ADARB2: variants seen among roughly 807,000 people sequenced by gnomAD.
ADARB2 encodes the protein inactive double-stranded RNA-specific editase B2.
In ADARB2, 25 loss-of-function variants were observed where a neutral mutation model predicts 62.2. The ratio of observed to expected loss-of-function variants is 0.40; its 90% CI spans 0.29 to 0.56. The LOEUF is 0.56. ADARB2 is among the 20% of genes least tolerant of loss of function. ADARB2 has a pLI of 0.43. For missense variants in ADARB2, 1,071 were observed against 1,077.4 expected (o/e 0.99, Z 0.08); for synonymous variants, 572 against 500.8 (o/e 1.14, Z -1.90).
chr10:1,573,304 G>A (rs1319351507), intron 1 of ADARB2, among the ~76,000 whole-genome samples: 1 of 152,166 alleles, frequency 6.6e-6, no homozygotes, highest in Non-Finnish European at 1.5e-5. Context: ...GCACTCAACT[G>A]TGCTCAGGTT....
intron 1 of ADARB2, among the ~76,000 whole-genome samples, chr10:1,463,773 A>T (rs1285238861): frequency 1.3e-5 from 2 of 152,240 alleles, no homozygotes; most frequent in East Asian, 3.8e-4. Flanking sequence ...AAATATTTGC[A>T]AATCACACAG....
intron 1 of ADARB2, among the ~76,000 whole-genome samples, chr10:1,532,323 C>T (rs551775891): frequency 1.1e-4 from 17 of 152,314 alleles, no homozygotes; most frequent in Non-Finnish European, 8.8e-5. Context: ...AAAACCAGCA[C>T]CAAAAACAGC....
At chr10:1,558,225 G>GC (rs1832732385) in intron 1 of ADARB2, among the ~76,000 whole-genome samples, 2 of 151,422 alleles carry the variant, frequency 1.3e-5, no homozygotes, top group Non-Finnish European at 3.0e-5. Context: ...TCCCACCTCT[G>GC]CCCCCCTCCA....
chr10:1,621,420 CT>C (rs575676337), intron 1 of ADARB2, among the ~76,000 whole-genome samples: 370 of 144,144 alleles, frequency 2.6e-3, no homozygotes, highest in Middle Eastern at 3.6e-3. Flanking sequence ...TTCTTTCTTT[CT>C]TTTTTTTTTT....
intron 1 of ADARB2, among the ~76,000 whole-genome samples, chr10:1,723,417 C>T (rs1283853244): frequency 6.6e-6 from 1 of 152,090 alleles, no homozygotes; most frequent in Non-Finnish European, 1.5e-5. Flanking sequence ...CCGGAGGGAC[C>T]AGGCTCTGAT....
intron 2 of ADARB2, among the ~76,000 whole-genome samples, chr10:1,375,882 C>A (rs1232329624): frequency 3.3e-5 from 5 of 151,178 alleles, no homozygotes; most frequent in Non-Finnish European, 7.4e-5. Flanking sequence ...TGCATGTGAA[C>A]TCCCACACCA....
intron 1 of ADARB2, among the ~76,000 whole-genome samples, chr10:1,422,472 C>T (rs1832860125): frequency 6.6e-6 from 1 of 152,130 alleles, no homozygotes; most frequent in African/African-American, 2.4e-5. Flanking sequence ...GGACACTCCA[C>T]CAGAGGGGAA....
At chr10:1,317,151 CT>C (rs1448299586) in intron 3 of ADARB2, among the ~76,000 whole-genome samples, 2 of 152,344 alleles carry the variant, frequency 1.3e-5, no homozygotes, top group Admixed American at 1.3e-4. Context: ...CTCTGCTTCA[CT>C]TTTAGCCGAT....
intron 1 of ADARB2, among the ~76,000 whole-genome samples, chr10:1,734,154 A>G (rs1424182509): frequency 1.3e-5 from 2 of 152,174 alleles, no homozygotes; most frequent in East Asian, 3.8e-4. Context: ...AAAATTGTAC[A>G]ACACTAGGTC....
intron 1 of ADARB2, chr10:1,675,890 G>C (rs1051797005): frequency 1.3e-6 from 1 of 749,244 alleles, no homozygotes; most frequent in Non-Finnish European, 1.6e-6. Context: ...CTGAGTGGCA[G>C]CTCAGAGGAA....
At chr10:1,441,939 T>C (rs1422725241) in intron 1 of ADARB2, among the ~76,000 whole-genome samples, 2 of 152,206 alleles carry the variant, frequency 1.3e-5, no homozygotes, top group Non-Finnish European at 2.9e-5. Flanking sequence ...AGTAAATGTG[T>C]GGATATTCAA....
intron 1 of ADARB2, chr10:1,678,209 T>TGGCCTCAGGGTGAGC (rs1834491249): frequency 1.0e-6 from 1 of 984,686 alleles, no homozygotes; most frequent in East Asian, 1.1e-4. Context: ...TCAGGGTGAG[T>TGGCCTCAGGGTGAGC]GGCCTCAGGG....
chr10:1,627,488 A>T (rs1410398024), intron 1 of ADARB2, among the ~76,000 whole-genome samples: 1 of 152,168 alleles, frequency 6.6e-6, no homozygotes, highest in East Asian at 1.9e-4. Context: ...TTTAAACTTA[A>T]ATCTCAGTCC....
intron 7 of ADARB2, among the ~76,000 whole-genome samples, chr10:1,212,109 A>G (rs1837161827): frequency 6.6e-6 from 1 of 152,030 alleles, no homozygotes; most frequent in South Asian, 2.1e-4. Flanking sequence ...TCCACTCTCC[A>G]CAGAGCCCTG....
chr10:1,647,515 A>C (rs186481795), intron 1 of ADARB2, among the ~76,000 whole-genome samples: 6 of 152,302 alleles, frequency 3.9e-5, no homozygotes, highest in Admixed American at 6.5e-5. Context: ...ATATGCCTGC[A>C]TATATGCATG....
chr10:1,183,510 AC>A, intron 9 of ADARB2, 141 bp from the exon 10 acceptor site: 2 of 1,055,464 alleles, frequency 1.9e-6, no homozygotes, highest in Non-Finnish European at 2.7e-6. Flanking sequence ...AGCAACTGTG[AC>A]CAGGTCCTCT....
In ADARB2 at chr10:1,566,063, C is replaced by CAAAAAAAA. The variant is rs376967105; in HGVS notation, c.100+170980_100+170987dup. ...CTCCTCTAGGTTGAGCTCAGTCTAG[C>CAAAAAAAA]AAAAAAAAAAAAAAAAAAAAAAAAA... is the stretch of plus-strand genomic sequence containing the variant. On this transcript the variant is annotated intron_variant, in intron 1 of 9. Transcript: ENST00000381312. Among the ~76,000 whole-genome samples the CAAAAAAAA allele has an allele frequency of 3.9e-5, 5 of 128,050 alleles. 1 individual carries two copies. The highest frequency in any genetic ancestry group is 1.5e-4 in the African/African-American group (5 of 33,434). The allele number at this position is 128,050 out of a possible 152,430, so 84.0% of individuals were successfully genotyped here. A position where few individuals can be genotyped will look rare whatever the true frequency, so the allele number is the denominator to read the frequency against.
chr10:1,259,202 G>T (rs1831110166), intron 4 of ADARB2, among the ~76,000 whole-genome samples: 1 of 152,200 alleles, frequency 6.6e-6, no homozygotes, highest in African/African-American at 2.4e-5. Context: ...AAGCAGGAAA[G>T]ATCTGAAATT....
chr10:1,257,350 A>G (rs1259062100), intron 4 of ADARB2, among the ~76,000 whole-genome samples: 2 of 152,160 alleles, frequency 1.3e-5, no homozygotes, highest in East Asian at 3.9e-4. Context: ...CTTGTCATGG[A>G]CTGGCTCCTC....
Sources: allele counts gnomAD v4.1 joint callset (sites outside exome capture counted in the v4.1 genomes callset), GRCh38; gene constraint gnomAD v4.1.1; transcripts MANE v1.5; gene names NCBI Gene and HGNC (gene_info 2026-07-23, HGNC 2026-07-21).